PFDN1: variants seen among roughly 807,000 people sequenced by gnomAD.
The protein encoded by PFDN1 is prefoldin 1.
A neutral mutation model predicts 17.3 loss-of-function variants in PFDN1; 6 were observed. The ratio of observed to expected loss-of-function variants is 0.35; its 90% CI spans 0.19 to 0.69. The LOEUF is 0.69. Ranked by LOEUF, PFDN1 falls within the 30% of genes least tolerant of loss-of-function variation. The probability of loss-of-function intolerance (pLI) is 0.65; values close to 1 mark genes in which losing one functional copy is unlikely to be tolerated. For missense variants in PFDN1, 113 were observed against 146.2 expected, an observed-to-expected ratio of 0.77 and a Z score of 1.17; for synonymous variants, 58 against 50.1, an observed-to-expected ratio of 1.16 and a Z score of -0.67.
intron 1 of PFDN1, 50 bp downstream of exon 1, chr5:140,302,991 C>T (rs1377072318): frequency 1.6e-6 from 2 of 1,274,964 alleles, no homozygotes; most frequent in Non-Finnish European, 2.3e-6. Context: ...GTCTATAGTC[C>T]CCTCAGCCTC....
At chr5:140,252,615 CT>C (rs1764929816) in intron 3 of PFDN1, among the ~76,000 whole-genome samples, 1 of 152,222 alleles carries the variant, frequency 6.6e-6, no homozygotes. Flanking sequence ...TGTTCGCTCA[CT>C]GGCAGATCTG....
chr5:140,255,412 C>G (rs1764971750), intron 3 of PFDN1, among the ~76,000 whole-genome samples: 1 of 152,124 alleles, frequency 6.6e-6, no homozygotes, highest in African/African-American at 2.4e-5. Context: ...TTACAGAACC[C>G]TGGCCGAGAA....
intron 2 of PFDN1, among the ~76,000 whole-genome samples, chr5:140,295,438 C>A (rs187135899): frequency 6.6e-6 from 1 of 152,088 alleles, no homozygotes; most frequent in East Asian, 1.9e-4. Context: ...TAGAAAGATG[C>A]AAAGACAAAC....
rs139883717 is a variant in PFDN1 at position 140,254,231 on chromosome 5, G to A, written c.286-8174C>T. Among the ~76,000 whole-genome samples, 17 of 152,286 alleles carry A rather than the reference G, an allele frequency of 1.1e-4. No individual in the cohort carries two copies. Among genetic ancestry groups the A allele is most frequent in the South Asian group, 8.3e-4 (4 of 4,822 alleles). ...AGGCAGTGGGCTGGACGGGGCAGGC[G>A]GTGGTTTGCCAGTGTCTGTTCCTTA... On this transcript the variant is annotated intron_variant, in intron 3 of 3. Transcript: ENST00000261813. This position sits in a 1 kb window ranked among gnomAD's most constrained non-coding sequence, Gnocchi z 4.4.
In PFDN1 at chr5:140,245,096, CTTGTTT is replaced by C. The variant is rs1359600917; in HGVS notation, c.*872_*877del. 4.6e-6 allele frequency: 1 copy of C among 217,248 alleles called. No individual in the cohort carries two copies. The highest frequency in any genetic ancestry group is 9.3e-6 in the Non-Finnish European group (1 of 107,026). 13.5% of individuals were successfully genotyped at this position (217,248 alleles called of 1,614,324 possible). On this transcript the variant is annotated 3_prime_UTR_variant, in exon 4 of 4. Transcript: ENST00000261813. Reference sequence around the variant, plus strand: ...GGATGCATTTTGAATATTTATTGTCCTTGTTTTTAACATAATTTGCAAATTTACATA... The same window carrying C: ...GGATGCATTTTGAATATTTATTGTCCTTAACATAATTTGCAAATTTACATA...
At chr5:140,251,334 G>A (rs554217972) in intron 3 of PFDN1, among the ~76,000 whole-genome samples, 10 of 152,206 alleles carry the variant, frequency 6.6e-5, no homozygotes, top group Admixed American at 2.0e-4. Context: ...AAACTCAAAC[G>A]TTACAGATCC....
At chr5:140,263,879 G>A (rs780425585) in intron 3 of PFDN1, among the ~76,000 whole-genome samples, 10 of 151,600 alleles carry the variant, frequency 6.6e-5, no homozygotes, top group South Asian at 2.1e-4. Context: ...AAATTAGCCC[G>A]GTGTGGTGGC....
At chr5:140,246,982 G>A (rs764252935) in intron 3 of PFDN1, among the ~76,000 whole-genome samples, 2 of 152,148 alleles carry the variant, frequency 1.3e-5, no homozygotes, top group Non-Finnish European at 2.9e-5. Flanking sequence ...CAGTAATACA[G>A]TCACCAGGCA....
intron 3 of PFDN1, among the ~76,000 whole-genome samples, chr5:140,256,477 T>A (rs1451155216): frequency 6.6e-6 from 1 of 151,944 alleles, no homozygotes. Flanking sequence ...TCCCCTTAAT[T>A]CCAGATTTAA....
chr5:140,285,371 C>A (rs985605126), intron 2 of PFDN1, among the ~76,000 whole-genome samples: 1 of 151,454 alleles, frequency 6.6e-6, no homozygotes, highest in African/African-American at 2.4e-5. Flanking sequence ...AAAGAATGAG[C>A]CTATCTTGCT....
chr5:140,245,568 T>C lies in PFDN1; in HGVS notation c.*406A>G. 2 of 702,478 alleles carry C rather than the reference T, an allele frequency of 2.8e-6. No homozygotes were observed. Among genetic ancestry groups the C allele is most frequent in the Middle Eastern group, 2.3e-4 (1 of 4,304 alleles). 43.5% of individuals were successfully genotyped at this position (702,478 alleles called of 1,614,324 possible). ...GATGCAGAGGGAGCAGGAGCTGAGG[T>C]GGAGACGGCCACTGCCTCTCTCACC... On this transcript the variant is annotated 3_prime_UTR_variant, in exon 4 of 4. Transcript: ENST00000261813.
intron 1 of PFDN1, 64 bp from the exon 2 acceptor site, chr5:140,300,646 C>A: frequency 5.2e-6 from 6 of 1,148,964 alleles, no homozygotes; most frequent in South Asian, 3.1e-5. Flanking sequence ...TACCTCAAAT[C>A]CAAATATATT....
chr5:140,259,284 GC>G (rs1765030661), intron 3 of PFDN1, among the ~76,000 whole-genome samples: 1 of 152,178 alleles, frequency 6.6e-6, no homozygotes, highest in African/African-American at 2.4e-5. Flanking sequence ...TTACAGATGA[GC>G]CTCAAGAACA....
intron 3 of PFDN1, among the ~76,000 whole-genome samples, chr5:140,249,844 T>C (rs762968363): frequency 6.6e-6 from 1 of 152,062 alleles, no homozygotes; most frequent in African/African-American, 2.4e-5. Context: ...TACCAAGCCA[T>C]ACACAAGAAA....
chr5:140,291,258 C>T (rs926767083), intron 2 of PFDN1, among the ~76,000 whole-genome samples: 1 of 152,104 alleles, frequency 6.6e-6, no homozygotes, highest in African/African-American at 2.4e-5. Context: ...CTGCCATAAA[C>T]CAATGGTAAA....
chr5:140,273,688 G>A lies in PFDN1; in HGVS notation c.285+7761C>T, dbSNP rs529447003. Among the ~76,000 whole-genome samples the A allele has an allele frequency of 8.1e-4, 123 of 152,184 alleles. 1 individual carries two copies. The highest frequency in any genetic ancestry group is 2.8e-3 in the African/African-American group (118 of 41,528). On this transcript the variant is annotated intron_variant, in intron 3 of 3. Transcript: ENST00000261813. ...TTTTTTTTACATATGATATGGGCTGGGGAGTTATTTCAACAGCCCTGGGAT... is the reference window on the plus strand; with the variant it reads ...TTTTTTTTACATATGATATGGGCTGAGGAGTTATTTCAACAGCCCTGGGAT...
intron 3 of PFDN1, among the ~76,000 whole-genome samples, chr5:140,267,961 C>T (rs375367020): frequency 6.6e-6 from 1 of 152,164 alleles, no homozygotes; most frequent in Non-Finnish European, 1.5e-5. Context: ...CAGAGTCAAA[C>T]GAACTAAATT....
intron 1 of PFDN1, among the ~76,000 whole-genome samples, chr5:140,302,778 T>C (rs372150011): frequency 1.3e-4 from 20 of 152,178 alleles, no homozygotes; most frequent in African/African-American, 4.8e-4. Flanking sequence ...GAAATGTCTC[T>C]GGAGCTCAGA....
Position 140,300,697 on chromosome 5 carries a change from A to C in PFDN1, c.34-115T>G. 9.2e-6 allele frequency: 6 copies of C among 650,178 alleles called. No individual in the cohort carries two copies. In the South Asian group the frequency reaches 1.1e-4, roughly 12 times the overall value. 40.3% of individuals were successfully genotyped at this position (650,178 alleles called of 1,614,324 possible). The stretch of plus-strand genomic sequence containing the variant: ...AGCCAGAGACAAAGCTGTGAAATTT[A>C]CCAAACATCAATAAAAGTCAACATA... On this transcript the variant is annotated intron_variant, in intron 1 of 3. Transcript: ENST00000261813.
Sources: allele counts gnomAD v4.1 joint callset (sites outside exome capture counted in the v4.1 genomes callset), GRCh38; gene constraint gnomAD v4.1.1; non-coding constraint Gnocchi (gnomAD v3.1); transcripts MANE v1.5; gene names NCBI Gene and HGNC (gene_info 2026-07-23, HGNC 2026-07-21).